Variants in CLEC2A observed in about 807,000 individuals in gnomAD.
CLEC2A encodes C-type lectin domain family 2 member A, also known as keratinocyte-associated C-type lectin.
Under a neutral mutation model 18.6 loss-of-function variants are expected in CLEC2A, and 19 were observed. The ratio of observed to expected loss-of-function variants is 1.02; its 90% CI spans 0.71 to 1.50. CLEC2A has a LOEUF of 1.50. CLEC2A is among the 40% of genes most tolerant of loss of function. The probability of loss-of-function intolerance (pLI) is 0.00; values close to 1 mark genes in which losing one functional copy is unlikely to be tolerated. For synonymous variants in CLEC2A, 74 were observed against 64.0 expected (o/e 1.16, Z -0.75); for missense variants, 190 against 207.9 (o/e 0.91, Z 0.53).
At chr12:9,907,254 A>G (rs182597286) in intron 4 of CLEC2A, among the ~76,000 whole-genome samples, 226 of 152,312 alleles carry the variant, frequency 1.5e-3, no homozygotes, top group African/African-American at 5.3e-3. Flanking sequence ...GGGAGGGTAA[A>G]GCTAGAACAG....
At chr12:9,885,062 A>G in the CLEC2A span, 3 of 848,608 alleles carry the variant, frequency 3.5e-6, no homozygotes, top group Non-Finnish European at 4.8e-6. Flanking sequence ...TTATTTGAAC[A>G]TTTTCAGAAG....
the CLEC2A span, among the ~76,000 whole-genome samples, chr12:9,887,556 G>A: frequency 4.6e-5 from 7 of 152,130 alleles, no homozygotes; most frequent in African/African-American, 1.7e-4. Context: ...TGGGAGGTGG[G>A]TGGCTAACTT....
At chr12:9,921,821 A>G (rs1032269171) in intron 3 of CLEC2A, among the ~76,000 whole-genome samples, 1 of 152,198 alleles carries the variant, frequency 6.6e-6, no homozygotes, top group Non-Finnish European at 1.5e-5. Flanking sequence ...AAGTGAAGAC[A>G]TCGTAAAAGT....
downstream of CLEC2A, among the ~76,000 whole-genome samples, chr12:9,893,897 C>CA (rs1184046801): frequency 6.6e-6 from 1 of 152,100 alleles, no homozygotes; most frequent in Non-Finnish European, 1.5e-5. Flanking sequence ...AAAGCAAAGA[C>CA]AAAATTCACC....
At chr12:9,888,375 A>G in the CLEC2A span, among the ~76,000 whole-genome samples, 74,934 of 151,584 alleles carry the variant, frequency 0.49, 20,161 homozygotes, top group Non-Finnish European at 0.62. Context: ...CTGTAGTCCC[A>G]TATGCTCGGG....
the CLEC2A span, among the ~76,000 whole-genome samples, chr12:9,887,224 AC>A: frequency 1.4e-3 from 217 of 152,262 alleles, no homozygotes; most frequent in Non-Finnish European, 2.6e-3. Context: ...GCTTACAAGA[AC>A]CCACTAAGTT....
intron 4 of CLEC2A, among the ~76,000 whole-genome samples, chr12:9,905,850 T>C (rs543817746): frequency 6.6e-6 from 1 of 152,268 alleles, no homozygotes; most frequent in African/African-American, 2.4e-5. Context: ...GCAGTCACAT[T>C]TGAAAAGGGA....
chr12:9,905,564 T>A (rs763563369), intron 4 of CLEC2A, among the ~76,000 whole-genome samples: 4 of 152,168 alleles, frequency 2.6e-5, no homozygotes, highest in African/African-American at 4.8e-5. Context: ...GATGGGCAGT[T>A]CAGTTTCATA....
chr12:9,893,068 G>A, the CLEC2A span: 2 of 1,535,800 alleles, frequency 1.3e-6, no homozygotes, highest in East Asian at 2.4e-5. Context: ...GAAGGGAAAT[G>A]TTACTGGTTT....
intron 1 of CLEC2A, among the ~76,000 whole-genome samples, chr12:9,926,672 C>T (rs1863277940): frequency 6.6e-6 from 1 of 151,904 alleles, no homozygotes; most frequent in South Asian, 2.1e-4. Context: ...TAAAGATCAT[C>T]AAAAGGTCCA....
intron 4 of CLEC2A, among the ~76,000 whole-genome samples, chr12:9,904,386 T>G (rs1190813099): frequency 5.3e-5 from 8 of 152,174 alleles, no homozygotes; most frequent in Non-Finnish European, 7.4e-5. Context: ...TGCACGCAAG[T>G]GTAACAATCG....
the CLEC2A span, among the ~76,000 whole-genome samples, chr12:9,884,423 A>G: frequency 6.6e-6 from 1 of 151,686 alleles, no homozygotes; most frequent in Non-Finnish European, 1.5e-5. Flanking sequence ...CAGTACAGTG[A>G]CTGGTATATA....
chr12:9,919,532 A>T (rs111954120), intron 3 of CLEC2A, among the ~76,000 whole-genome samples: 1 of 152,174 alleles, frequency 6.6e-6, no homozygotes, highest in African/African-American at 2.4e-5. Context: ...AGTGGCAGAG[A>T]GGTTTCCTGT....
downstream of CLEC2A, among the ~76,000 whole-genome samples, chr12:9,894,067 TTCTTTC>T (rs1313134937): frequency 4.6e-5 from 7 of 151,898 alleles, no homozygotes; most frequent in Admixed American, 4.6e-4. Flanking sequence ...TTTCTCTTTT[TTCTTTC>T]TCTTTCTCTC....
At chr12:9,915,883 T>A (rs7307859) in intron 4 of CLEC2A, among the ~76,000 whole-genome samples, 60,220 of 152,042 alleles carry the variant, frequency 0.4, 13,395 homozygotes, top group Non-Finnish European at 0.51. Flanking sequence ...ATATATTTTT[T>A]AATTAATTTT....
At chr12:9,902,100 A>T (rs112334666) in intron 4 of CLEC2A, among the ~76,000 whole-genome samples, 174 of 152,152 alleles carry the variant, frequency 1.1e-3, no homozygotes, top group African/African-American at 4.1e-3. Flanking sequence ...ACAAAAACAC[A>T]TTTTACTGTT....
At position 9,900,220 on chromosome 12, in the gene CLEC2A, A is replaced by G. The variant is rs867734196; in HGVS notation, c.411-1244T>C. 3.9e-5 allele frequency among the ~76,000 whole-genome samples: 6 copies of G among 152,170 alleles called. 1 individual carries two copies. In the South Asian group the frequency reaches 8.3e-4, roughly 21 times the overall value. ...TTGCAGGATAATTGCTCAAAACTAT[A>G]ACATTGATCCAGATTTTCACGTTAC... On this transcript the variant is annotated intron_variant, in intron 4 of 4. Coordinates refer to the CLEC2A transcript ENST00000339766.
the CLEC2A span, chr12:9,892,974 T>G: frequency 7.0e-7 from 1 of 1,421,838 alleles, no homozygotes; most frequent in African/African-American, 1.4e-5. Context: ...CTATCTTCCC[T>G]GTTGGCTGTA....
At chr12:9,921,918 GA>G in intron 3 of CLEC2A, 147 bp downstream of exon 3, 1 of 602,686 alleles carries the variant, frequency 1.7e-6, no homozygotes, top group Non-Finnish European at 2.6e-6. Context: ...GGTGGCAGAG[GA>G]AAAATAATCC....
Sources: gnomAD v4.1 joint callset for allele counts (sites outside exome capture counted in the v4.1 genomes callset) on GRCh38, gnomAD v4.1.1 for gene constraint, MANE v1.5 for transcripts, NCBI Gene and HGNC (gene_info 2026-07-23, HGNC 2026-07-21) for gene names.